Variants in CXorf38 observed in about 807,000 individuals in gnomAD.
The protein encoded by CXorf38 is chromosome X open reading frame 38.
Under a neutral mutation model 27.5 loss-of-function variants are expected in CXorf38, and 13 were observed. The ratio of observed to expected loss-of-function variants is 0.47; its 90% CI spans 0.31 to 0.75. The LOEUF (loss-of-function observed/expected upper bound fraction) is 0.75. Among genes scored for constraint, CXorf38 ranks in the 30% least tolerant of loss-of-function variants. The probability of loss-of-function intolerance (pLI) is 0.05; values close to 1 mark genes in which losing one functional copy is unlikely to be tolerated. For synonymous variants in CXorf38, 100 were observed against 99.8 expected (o/e 1.00, Z -0.01); for missense variants, 240 against 253.2 (o/e 0.95, Z 0.35).
At chrX:40,644,187 T>G (rs1928471548) in intron 2 of CXorf38, among the ~76,000 whole-genome samples, 1 of 112,474 alleles carries the variant, frequency 8.9e-6, no homozygotes, top group African/African-American at 3.2e-5. Context: ...TAATTGTTTC[T>G]TTTAAAAAAA....
intron 5 of CXorf38, among the ~76,000 whole-genome samples, chrX:40,631,157 C>G (rs958460569): frequency 4.7e-5 from 5 of 107,177 alleles, no homozygotes; most frequent in Non-Finnish European, 9.6e-5. Flanking sequence ...AATTCTGTAC[C>G]TGAATTATTA....
intron 5 of CXorf38, 100 bp from the exon 6 acceptor site, chrX:40,630,873 C>T (rs1048470971): frequency 1.1e-5 from 9 of 801,684 alleles, no homozygotes; most frequent in Non-Finnish European, 1.4e-5. Flanking sequence ...CTCCTACTCA[C>T]GTGCCCAAGA....
intron 3 of CXorf38, among the ~76,000 whole-genome samples, chrX:40,638,246 A>G (rs770570638): frequency 1.8e-5 from 2 of 112,260 alleles, no homozygotes; most frequent in Non-Finnish European, 3.8e-5. Flanking sequence ...CAGTTTGGTT[A>G]AAAGATATCA....
At chrX:40,631,557 C>T (rs1245709273) in intron 5 of CXorf38, among the ~76,000 whole-genome samples, 4 of 111,471 alleles carry the variant, frequency 3.6e-5, no homozygotes, top group Non-Finnish European at 7.5e-5. Flanking sequence ...TCGCCCGCCT[C>T]GGCCTCCCAA....
chrX:40,640,291 G>A (rs970682067), intron 2 of CXorf38: 101 of 304,176 alleles, frequency 3.3e-4, no homozygotes, highest in Non-Finnish European at 5.9e-4. Flanking sequence ...ATTCACCACT[G>A]CACTCCAGTC....
chrX:40,643,118 G>A (rs1928408599), intron 2 of CXorf38, among the ~76,000 whole-genome samples: 1 of 110,293 alleles, frequency 9.1e-6, no homozygotes. Flanking sequence ...GACAGTTATG[G>A]GGTTTCGCCA....
At chrX:40,632,352 G>A (rs1366347445) in intron 5 of CXorf38, among the ~76,000 whole-genome samples, 2 of 112,120 alleles carry the variant, frequency 1.8e-5, no homozygotes, top group African/African-American at 6.5e-5. Flanking sequence ...CAGGACTGAT[G>A]TGCTCTGTTC....
intron 5 of CXorf38, among the ~76,000 whole-genome samples, chrX:40,632,577 G>A (rs1225169567): frequency 9.8e-6 from 1 of 102,108 alleles, no homozygotes; most frequent in Non-Finnish European, 2.1e-5. Context: ...TTGGGAGGAC[G>A]AATCAAAAGG....
At position 40,637,066 on chromosome X, in the gene CXorf38, A is replaced by T. The variant is rs1569270634; in HGVS notation, c.562T>A (p.Phe188Ile). Residue 188 changes from phenylalanine (F) to isoleucine (I), a missense_variant, in exon 4 of 7, where the codon TTT becomes ATT. Physicochemically the swap from Phe to Ile is conservative, Grantham distance 21 (BLOSUM62 0). Transcript: ENST00000327877. Reference protein sequence around the residue: ...LRDFQMKIQNFLNEFKNIPEI... With the variant: ...LRDFQMKIQNILNEFKNIPEI... ...GGGATGTTCTTGAATTCATTCAGAA[A>T]ATTTTGGATCTTCATCTGAAAATCT... The T allele has an allele frequency of 1.7e-6, 2 of 1,206,348 alleles. No homozygotes were observed. Among genetic ancestry groups the T allele is most frequent in the Non-Finnish European group, 2.2e-6 (2 of 890,964 alleles).
chrX:40,629,479 A>G lies in CXorf38; in HGVS notation c.*685T>C, dbSNP rs985106689. On this transcript the variant is annotated 3_prime_UTR_variant, in exon 7 of 7. Transcript: ENST00000327877. ...GGACTTGCCTGCCAGTGGGTGGAGC[A>G]CTCCAGGTGAGCCTCTGGCACAGGC... The G allele has an allele frequency of 8.9e-6, 1 of 112,106 alleles. No individual in the cohort carries two copies. The highest frequency in any genetic ancestry group is 3.2e-5 in the African/African-American group (1 of 30,855). 9.2% of individuals were successfully genotyped at this position (112,106 alleles called of 1,213,427 possible).
At chrX:40,644,869 G>C (rs1384631067) in intron 2 of CXorf38, among the ~76,000 whole-genome samples, 1 of 112,069 alleles carries the variant, frequency 8.9e-6, no homozygotes, top group Admixed American at 9.5e-5. Flanking sequence ...AGAGAGAGAT[G>C]TGGCCAGACC....
chrX:40,646,455 G>C (rs1928581590), intron 2 of CXorf38, among the ~76,000 whole-genome samples: 1 of 110,183 alleles, frequency 9.1e-6, no homozygotes, highest in Non-Finnish European at 1.9e-5. Context: ...TCCCTTACTG[G>C]GCAAAAAAAT....
At chrX:40,640,125 G>A (rs758155677) in intron 2 of CXorf38, 33 of 279,700 alleles carry the variant, frequency 1.2e-4, no homozygotes, top group Non-Finnish European at 1.3e-5. Flanking sequence ...CAGGAGGATC[G>A]TTTGAGCCCA....
chrX:40,632,832 T>A (rs1410519282), intron 5 of CXorf38, among the ~76,000 whole-genome samples: 2 of 111,896 alleles, frequency 1.8e-5, no homozygotes, highest in Non-Finnish European at 3.8e-5. Context: ...CAACACCACC[T>A]AGGATTCTTA....
At chrX:40,643,633 C>T (rs1388725692) in intron 2 of CXorf38, among the ~76,000 whole-genome samples, 2 of 111,165 alleles carry the variant, frequency 1.8e-5, no homozygotes, top group African/African-American at 3.3e-5. Flanking sequence ...CTCAGCCTCG[C>T]GAGTAGCTGG....
chrX:40,642,231 C>T (rs1263129159), intron 2 of CXorf38, among the ~76,000 whole-genome samples: 1 of 110,783 alleles, frequency 9.0e-6, no homozygotes, highest in Non-Finnish European at 1.9e-5. Flanking sequence ...TAATGGGGAA[C>T]GGGCATAGGG....
intron 1 of CXorf38, 30 bp downstream of exon 1, chrX:40,647,275 G>C: frequency 2.7e-6 from 3 of 1,099,554 alleles, no homozygotes; most frequent in Non-Finnish European, 3.6e-6. Context: ...GGGTGGGGGC[G>C]GTGGTCAAGG....
chrX:40,633,054 C>T (rs1927899309), intron 5 of CXorf38, among the ~76,000 whole-genome samples: 1 of 111,562 alleles, frequency 9.0e-6, no homozygotes, highest in Non-Finnish European at 1.9e-5. Flanking sequence ...CTTTCTCTCA[C>T]ATGCCACATC....
intron 3 of CXorf38, among the ~76,000 whole-genome samples, chrX:40,637,857 T>G (rs1928144741): frequency 9.0e-6 from 1 of 111,521 alleles, no homozygotes; most frequent in Non-Finnish European, 1.9e-5. Context: ...TAGGTACCTG[T>G]CAGTGCCGTT....
Sources: allele counts gnomAD v4.1 joint callset (sites outside exome capture counted in the v4.1 genomes callset), GRCh38; gene constraint gnomAD v4.1.1; transcripts MANE v1.5; gene names NCBI Gene and HGNC (gene_info 2026-07-23, HGNC 2026-07-21).